MAPRE2: variants seen among roughly 807,000 people sequenced by gnomAD.
The protein encoded by MAPRE2 is microtubule associated protein RP/EB family member 2, also known as microtubule-associated protein RP/EB family member 2.
MAPRE2 carries 13 observed loss-of-function variants against 43.2 expected under a neutral mutation model. The observed-to-expected ratio is 0.30, with a 90% CI of 0.20 to 0.48. The LOEUF (loss-of-function observed/expected upper bound fraction) is 0.48, where lower values mean the gene tolerates loss of function less well. MAPRE2 is among the 20% of genes least tolerant of loss of function. MAPRE2 has a pLI of 0.99. For missense variants in MAPRE2, 161 were observed against 400.2 expected, an observed-to-expected ratio of 0.40 and a Z score of 5.10; for synonymous variants, 135 against 148.8, an observed-to-expected ratio of 0.91 and a Z score of 0.68.
chr18:35,116,807 C>A (rs769512179), intron 4 of MAPRE2, among the ~76,000 whole-genome samples: 1 of 152,120 alleles, frequency 6.6e-6, no homozygotes, highest in Non-Finnish European at 1.5e-5. Context: ...AGTCAGGTCA[C>A]GGGTCTTACA....
chr18:35,090,729 C>A (rs7241610), intron 2 of MAPRE2, among the ~76,000 whole-genome samples: 771 of 22,348 alleles, frequency 0.034, 8 homozygotes, highest in African/African-American at 0.12. Flanking sequence ...AAGATTCGGT[C>A]TCAAAAAAAA....
chr18:35,102,110 G>A lies in MAPRE2; in HGVS notation c.561G>A (p.Gln187=), dbSNP rs775925796. The change falls in exon 4 of 7, where the codon CAG becomes CAA. Residue 187 remains glutamine, a synonymous_variant. Coordinates refer to ENST00000300249, the MANE Select transcript of MAPRE2 (RefSeq NM_014268.4). ...DAIPPPDPGE[Q]IFNLPKKSHH... Reference sequence around the variant, plus strand: ...TTCCTCCTCCTGACCCTGGTGAACAGATCTTCAACCTGCCAAAAAAGTCTC... The same window carrying A: ...TTCCTCCTCCTGACCCTGGTGAACAAATCTTCAACCTGCCAAAAAAGTCTC... 1 of 1,610,770 alleles carries A rather than the reference G, an allele frequency of 6.2e-7. No individual in the cohort carries two copies. Among genetic ancestry groups the A allele is most frequent in the Admixed American group, 1.7e-5 (1 of 59,266 alleles).
intron 4 of MAPRE2, among the ~76,000 whole-genome samples, chr18:35,118,425 C>T (rs906174545): frequency 1.3e-5 from 2 of 152,212 alleles, no homozygotes; most frequent in Admixed American, 6.5e-5. Flanking sequence ...TTGCTGTTAA[C>T]ATTGCAAAAC....
chr18:34,982,483 T>A (rs148638281), intron 1 of MAPRE2, among the ~76,000 whole-genome samples: 1 of 152,220 alleles, frequency 6.6e-6, no homozygotes, highest in Non-Finnish European at 1.5e-5. Flanking sequence ...TAAATCCAAC[T>A]CTACATAATT....
chr18:35,003,092 A>G (rs986092155), intron 1 of MAPRE2, among the ~76,000 whole-genome samples: 1 of 152,190 alleles, frequency 6.6e-6, no homozygotes, highest in Non-Finnish European at 1.5e-5. Context: ...AGACTTGCAG[A>G]CAATGAGAGC....
At chr18:35,103,784 T>C (rs1447490748) in intron 4 of MAPRE2, among the ~76,000 whole-genome samples, 1 of 152,102 alleles carries the variant, frequency 6.6e-6, no homozygotes, top group Non-Finnish European at 1.5e-5. Context: ...AGCATAATGG[T>C]CAACAATGTC....
chr18:35,039,731 T>G (rs2097052577), upstream of MAPRE2, among the ~76,000 whole-genome samples: 1 of 152,198 alleles, frequency 6.6e-6, no homozygotes, highest in Non-Finnish European at 1.5e-5. Context: ...TGACAAAGTG[T>G]TTACTTGTTT....
intron 2 of MAPRE2, among the ~76,000 whole-genome samples, chr18:35,077,945 C>A (rs1907450529): frequency 6.6e-6 from 1 of 152,172 alleles, no homozygotes; most frequent in Non-Finnish European, 1.5e-5. Context: ...ATGTCAATCA[C>A]TTTATATGAT....
At chr18:35,090,195 T>C (rs948304520) in intron 2 of MAPRE2, among the ~76,000 whole-genome samples, 3 of 152,088 alleles carry the variant, frequency 2.0e-5, no homozygotes, top group African/African-American at 7.2e-5. Context: ...CAGTAATAAA[T>C]ATATGCTGGA....
At chr18:35,034,030 AAC>A (rs1286056268) in intron 2 of MAPRE2, among the ~76,000 whole-genome samples, 2 of 151,954 alleles carry the variant, frequency 1.3e-5, no homozygotes, top group Non-Finnish European at 2.9e-5. Context: ...GTTCATATGG[AAC>A]CAAAAAAGAG....
intron 6 of MAPRE2, 112 bp from the exon 7 acceptor site, chr18:35,140,183 T>C: frequency 2.2e-6 from 2 of 911,210 alleles, no homozygotes; most frequent in East Asian, 2.6e-5. Flanking sequence ...TAACTAAGCC[T>C]GGTGCCCTCC....
At chr18:35,067,201 A>G (rs922617217) in intron 1 of MAPRE2, among the ~76,000 whole-genome samples, 1 of 152,216 alleles carries the variant, frequency 6.6e-6, no homozygotes, top group Non-Finnish European at 1.5e-5. Flanking sequence ...GAATTTTTCT[A>G]AAGCCCAGAT....
intron 1 of MAPRE2, among the ~76,000 whole-genome samples, chr18:35,048,555 A>G (rs487619): frequency 0.094 from 14,039 of 149,904 alleles, 731 homozygotes; most frequent in South Asian, 0.15. Context: ...ATATTCACAC[A>G]TATATAGTAG....
intron 1 of MAPRE2, among the ~76,000 whole-genome samples, chr18:35,062,461 C>G (rs530674210): frequency 1.3e-5 from 2 of 152,306 alleles, no homozygotes; most frequent in South Asian, 4.1e-4. Flanking sequence ...AAGTAAAAAG[C>G]CTTCTTTACA....
chr18:35,099,346 G>A (rs1908569685), intron 3 of MAPRE2, among the ~76,000 whole-genome samples: 1 of 152,210 alleles, frequency 6.6e-6, no homozygotes, highest in South Asian at 2.1e-4. Flanking sequence ...TGAGCACAGT[G>A]GCTCACACCT....
intron 2 of MAPRE2, among the ~76,000 whole-genome samples, chr18:35,078,534 T>G (rs554696807): frequency 6.6e-6 from 1 of 152,308 alleles, no homozygotes; most frequent in East Asian, 1.9e-4. Context: ...TCCTATTTTA[T>G]GAGGCTAAAA....
chr18:35,083,259 G>A (rs1239152869), intron 2 of MAPRE2, among the ~76,000 whole-genome samples: 1 of 152,086 alleles, frequency 6.6e-6, no homozygotes, highest in Non-Finnish European at 1.5e-5. Context: ...AAGTAGAAGG[G>A]TAATACAAGT....
In MAPRE2 at chr18:35,142,635, T is replaced by G. The variant is rs1331284289; in HGVS notation, c.*2266T>G. ...GGCTTGGGGCAGACCATTCGTTTAT[T>G]TAGAGAAGAGCTATACATTCTTCTT... On this transcript the variant is annotated 3_prime_UTR_variant, in exon 7 of 7. Transcript: ENST00000300249. The G allele has an allele frequency of 6.6e-6, 1 of 152,204 alleles. No individual in the cohort carries two copies. Among genetic ancestry groups the G allele is most frequent in the African/African-American group, 2.4e-5 (1 of 41,434 alleles). The allele number at this position is 152,204 out of a possible 1,614,324, so 9.4% of individuals were successfully genotyped here.
chr18:35,059,614 A>T (rs1906418388), intron 1 of MAPRE2, among the ~76,000 whole-genome samples: 1 of 152,218 alleles, frequency 6.6e-6, no homozygotes, highest in Non-Finnish European at 1.5e-5. Context: ...TAAACAAACA[A>T]GATAATTACC....
Sources: gnomAD v4.1 joint callset for allele counts (sites outside exome capture counted in the v4.1 genomes callset) on GRCh38, gnomAD v4.1.1 for gene constraint, MANE v1.5 for transcripts, NCBI Gene and HGNC (gene_info 2026-07-23, HGNC 2026-07-21) for gene names.